Variants in TBC1D8 observed in about 807,000 individuals in gnomAD.
TBC1D8 encodes the protein TBC1 domain family member 8.
Under a neutral mutation model 118.8 loss-of-function variants are expected in TBC1D8, and 65 were observed. That is an observed-to-expected ratio of 0.55 (90% confidence interval 0.45 to 0.67). The LOEUF is 0.67. TBC1D8 is among the 30% of genes least tolerant of loss of function. The pLI, the probability that TBC1D8 is intolerant of heterozygous loss-of-function variation, is 0.00. For missense variants in TBC1D8, 1,376 were observed against 1,471.2 expected (o/e 0.94, Z 1.06); for synonymous variants, 566 against 595.8 (o/e 0.95, Z 0.73).
At chr2:101,118,037 C>T (rs1677910859) in intron 1 of TBC1D8, among the ~76,000 whole-genome samples, 1 of 152,114 alleles carries the variant, frequency 6.6e-6, no homozygotes, top group African/African-American at 2.4e-5. Context: ...TGCTGAAGTT[C>T]CTGAAATAGC....
rs1283158235 is a variant in TBC1D8 at position 101,021,552 on chromosome 2, C to T, written c.2827+129G>A. On this transcript the variant is annotated intron_variant, in intron 17 of 19. Transcript: ENST00000409318. Reference sequence around the variant, plus strand: ...ACTCCAAACCTGTGACCTGAAACCCCAAGCCAGAAACACCTGTTGCCTCAA... The same window carrying T: ...ACTCCAAACCTGTGACCTGAAACCCTAAGCCAGAAACACCTGTTGCCTCAA... 4.5e-6 allele frequency: 3 copies of T among 666,018 alleles called. No individual in the cohort carries two copies. In the South Asian group the frequency reaches 6.1e-5, roughly 13 times the overall value. The allele number at this position is 666,018 out of a possible 1,614,324, so 41.3% of individuals were successfully genotyped here. A position where few individuals can be genotyped will look rare whatever the true frequency, so the allele number is the denominator to read the frequency against.
Position 101,054,174 on chromosome 2 carries a change from G to T in TBC1D8, c.565C>A (p.Arg189Ser). The T allele has an allele frequency of 6.2e-7, 1 of 1,613,528 alleles. No individual in the cohort carries two copies. The highest frequency in any genetic ancestry group is 8.5e-7 in the Non-Finnish European group (1 of 1,179,746). Residue 189 changes from arginine to serine, a missense_variant, in exon 4 of 20, where the codon CGC (arginine) becomes AGC (serine). Arg to Ser is a moderately radical substitution (Grantham distance 110). Transcript: ENST00000409318. Reference sequence around the variant, plus strand: ...ATGCTGAGGTACAGCCAGCCCTGGCGGGGCACCCTGCCCTTCCAACAGCAG... The same window carrying T: ...ATGCTGAGGTACAGCCAGCCCTGGCTGGGCACCCTGCCCTTCCAACAGCAG... ...SCCCWKGRVP[R>S]QGWLYLSINH...
chr2:101,036,236 C>T (rs1681001023), intron 8 of TBC1D8, 68 bp from the exon 9 acceptor site: 15 of 1,565,766 alleles, frequency 9.6e-6, no homozygotes, highest in South Asian at 9.2e-5. Flanking sequence ...ACCGATGCAC[C>T]GCTGGCAATG....
At chr2:101,048,852 T>G (rs1016853501) in intron 5 of TBC1D8, among the ~76,000 whole-genome samples, 4 of 152,202 alleles carry the variant, frequency 2.6e-5, no homozygotes, top group Admixed American at 2.6e-4. Flanking sequence ...AAAATCACAT[T>G]TGAATATCAG....
chr2:101,025,819 C>G (rs1478837683), intron 15 of TBC1D8, among the ~76,000 whole-genome samples: 1 of 152,194 alleles, frequency 6.6e-6, no homozygotes, highest in African/African-American at 2.4e-5. Context: ...GAGTAGCTTA[C>G]GCACCAAGTC....
intron 1 of TBC1D8, among the ~76,000 whole-genome samples, chr2:101,121,921 C>A (rs1678128610): frequency 6.6e-6 from 1 of 151,954 alleles, no homozygotes; most frequent in Non-Finnish European, 1.5e-5. Context: ...CAAAAATCAG[C>A]CAGGCATGGC....
chr2:101,082,786 G>A (rs1423301308), intron 2 of TBC1D8, among the ~76,000 whole-genome samples: 27 of 152,124 alleles, frequency 1.8e-4, no homozygotes, highest in Non-Finnish European at 8.8e-5. Context: ...AGGAGAGTGA[G>A]GAGTGAGTCT....
At chr2:101,062,997 T>C (rs921875923) in intron 2 of TBC1D8, among the ~76,000 whole-genome samples, 9 of 152,202 alleles carry the variant, frequency 5.9e-5, no homozygotes, top group African/African-American at 2.2e-4. Flanking sequence ...GTTCTTGCTA[T>C]GGCTGGGCAT....
At chr2:101,029,923 CT>C in intron 11 of TBC1D8, 147 bp from the exon 12 acceptor site, 1 of 757,548 alleles carries the variant, frequency 1.3e-6, no homozygotes, top group Middle Eastern at 3.2e-4. Context: ...TTGATTCTGA[CT>C]TTTAGACCAA....
chr2:101,035,817 A>G (rs1043825571), intron 9 of TBC1D8, among the ~76,000 whole-genome samples: 2 of 152,336 alleles, frequency 1.3e-5, no homozygotes, highest in Admixed American at 1.3e-4. Context: ...TGGACGCCAC[A>G]GCCCAGAGGC....
At chr2:101,128,354 AT>A (rs1042638320) in intron 1 of TBC1D8, among the ~76,000 whole-genome samples, 17 of 152,156 alleles carry the variant, frequency 1.1e-4, no homozygotes, top group Non-Finnish European at 2.2e-4. Context: ...GCTCTCTTCA[AT>A]TCTCCACTCA....
chr2:101,043,956 A>C (rs1436269506), intron 5 of TBC1D8, among the ~76,000 whole-genome samples: 5 of 152,122 alleles, frequency 3.3e-5, no homozygotes, highest in Admixed American at 6.5e-5. Flanking sequence ...ACAAACAAAA[A>C]AAAAAGAATA....
chr2:101,058,009 T>C (rs1041903856), intron 3 of TBC1D8, among the ~76,000 whole-genome samples: 7 of 152,158 alleles, frequency 4.6e-5, no homozygotes, highest in African/African-American at 1.7e-4. Flanking sequence ...GAGCAACACC[T>C]AAATCAAATA....
At chr2:101,089,517 C>T (rs1268166897) in intron 2 of TBC1D8, among the ~76,000 whole-genome samples, 1 of 152,034 alleles carries the variant, frequency 6.6e-6, no homozygotes, top group East Asian at 1.9e-4. Context: ...AGTGGTTAGA[C>T]AGAGCACCAG....
At chr2:101,094,406 G>A (rs997956061) in intron 1 of TBC1D8, among the ~76,000 whole-genome samples, 4 of 152,162 alleles carry the variant, frequency 2.6e-5, no homozygotes, top group African/African-American at 4.8e-5. Flanking sequence ...GACTGGGACA[G>A]CAGGTGGTGA....
chr2:101,136,260 A>T (rs1017133448), intron 1 of TBC1D8, among the ~76,000 whole-genome samples: 2 of 151,966 alleles, frequency 1.3e-5, no homozygotes, highest in African/African-American at 4.8e-5. Flanking sequence ...GGTGGCAATG[A>T]GTGAGTTTTC....
At chr2:101,052,101 G>C (rs1197475922) in intron 4 of TBC1D8, among the ~76,000 whole-genome samples, 1 of 152,160 alleles carries the variant, frequency 6.6e-6, no homozygotes, top group Non-Finnish European at 1.5e-5. Context: ...ATAAATTCTG[G>C]TTTCAAAAAC....
At position 101,038,663 on chromosome 2, in the gene TBC1D8, A is replaced by T. The variant is rs749704738; in HGVS notation, c.1081-8T>A. On this transcript the variant is annotated splice_region_variant and splice_polypyrimidine_tract_variant and intron_variant, in intron 6 of 19. Coordinates refer to ENST00000409318, the MANE Select transcript of TBC1D8 (RefSeq NM_001330348.2). Reference sequence around the variant, plus strand: ...CTTCTCGATGCTCACCACCTGCGCGAGAGGCAACATGCAGGGACAGAAGGG... The same window carrying T: ...CTTCTCGATGCTCACCACCTGCGCGTGAGGCAACATGCAGGGACAGAAGGG... The T allele has an allele frequency of 1.1e-5, 18 of 1,613,620 alleles. No homozygotes were observed. The East Asian group carries it at 4.0e-4, about 36-fold the overall frequency.
At chr2:101,015,009 G>A (rs1366936644) in intron 17 of TBC1D8, among the ~76,000 whole-genome samples, 3 of 152,136 alleles carry the variant, frequency 2.0e-5, no homozygotes, top group African/African-American at 4.8e-5. Context: ...AATACGTTCT[G>A]AGAAATGCAT....
Sources: gnomAD v4.1 joint callset for allele counts (sites outside exome capture counted in the v4.1 genomes callset) on GRCh38, gnomAD v4.1.1 for gene constraint, MANE v1.5 for transcripts, NCBI Gene and HGNC (gene_info 2026-07-23, HGNC 2026-07-21) for gene names.